Variants in KHDRBS2 observed in about 807,000 individuals in gnomAD.
The protein encoded by KHDRBS2 is KH domain-containing, RNA-binding, signal transduction-associated protein 2.
KHDRBS2 carries 26 observed loss-of-function variants against 44.3 expected under a neutral mutation model. That is an observed-to-expected ratio of 0.59 (90% CI 0.43 to 0.81). The LOEUF is 0.81. Among genes scored for constraint, KHDRBS2 ranks in the 40% least tolerant of loss-of-function variants. The probability of loss-of-function intolerance (pLI) is 0.00; values close to 1 mark genes in which losing one functional copy is unlikely to be tolerated. For synonymous variants in KHDRBS2, 194 were observed against 151.1 expected, an observed-to-expected ratio of 1.28 and a Z score of -2.08; for missense variants, 476 against 433.1, an observed-to-expected ratio of 1.10 and a Z score of -0.88.
chr6:62,041,201 G>A (rs867335786), intron 3 of KHDRBS2, among the ~76,000 whole-genome samples: 1 of 151,820 alleles, frequency 6.6e-6, no homozygotes, highest in Admixed American at 6.6e-5. Context: ...CATGGTGGCG[G>A]GCGCCTGTAA....
chr6:61,741,078 C>T (rs530954576), intron 6 of KHDRBS2, among the ~76,000 whole-genome samples: 2 of 151,920 alleles, frequency 1.3e-5, no homozygotes, highest in East Asian at 3.9e-4. Flanking sequence ...AAAAATCAGC[C>T]TTGAATTTAC....
intron 6 of KHDRBS2, among the ~76,000 whole-genome samples, chr6:61,736,577 G>T (rs1356792584): frequency 6.6e-6 from 1 of 151,982 alleles, no homozygotes; most frequent in Admixed American, 6.6e-5. Context: ...CCAACAGGAG[G>T]CAAGGCAGTT....
intron 2 of KHDRBS2, among the ~76,000 whole-genome samples, chr6:62,166,810 A>T (rs976798215): frequency 3.9e-5 from 6 of 152,052 alleles, no homozygotes; most frequent in African/African-American, 1.4e-4. Context: ...CTGTCTACAT[A>T]AAAAGCCACT....
At chr6:62,273,178 TG>T (rs1840357612) in intron 1 of KHDRBS2, among the ~76,000 whole-genome samples, 1 of 152,116 alleles carries the variant, frequency 6.6e-6, no homozygotes, top group South Asian at 2.1e-4. Context: ...CACACAAAAT[TG>T]CTATTTTTTC....
Position 61,901,225 on chromosome 6 carries a change from A to G in KHDRBS2, c.611+19T>C. 2 of 1,603,468 alleles carry G rather than the reference A, an allele frequency of 1.2e-6. No homozygotes were observed. Among genetic ancestry groups the G allele is most frequent in the Non-Finnish European group, 1.7e-6 (2 of 1,176,828 alleles). ...GCCTGCCATCATCCTTAATTTATTTAAAGTAAGAATGAATGTACCTTGAAG... is the reference window on the plus strand; with the variant it reads ...GCCTGCCATCATCCTTAATTTATTTGAAGTAAGAATGAATGTACCTTGAAG... On this transcript the variant is annotated intron_variant, in intron 5 of 8. Coordinates refer to ENST00000281156, the MANE Select transcript of KHDRBS2 (RefSeq NM_152688.4).
intron 3 of KHDRBS2, among the ~76,000 whole-genome samples, chr6:62,007,321 T>C (rs1562629298): frequency 6.6e-6 from 1 of 152,060 alleles, no homozygotes. Context: ...GGTCCAGTTC[T>C]GAGGACCTTT....
chr6:62,234,926 T>C (rs1399766279), intron 1 of KHDRBS2, among the ~76,000 whole-genome samples: 1 of 152,006 alleles, frequency 6.6e-6, no homozygotes, highest in African/African-American at 2.4e-5. Context: ...AATTTTGAAC[T>C]ATAAAAATTA....
intron 2 of KHDRBS2, among the ~76,000 whole-genome samples, chr6:62,063,380 A>G (rs866001724): frequency 2.6e-5 from 4 of 151,646 alleles, no homozygotes; most frequent in Admixed American, 2.0e-4. Context: ...AAAATCCTCA[A>G]TAAAATACTG....
At chr6:62,187,696 A>C (rs1585117761) in intron 1 of KHDRBS2, among the ~76,000 whole-genome samples, 1 of 152,006 alleles carries the variant, frequency 6.6e-6, no homozygotes, top group East Asian at 1.9e-4. Context: ...GGTTTGGTTT[A>C]ATTTTTTTGC....
chr6:62,057,042 T>C (rs1790444886), intron 2 of KHDRBS2, among the ~76,000 whole-genome samples: 1 of 151,960 alleles, frequency 6.6e-6, no homozygotes, highest in South Asian at 2.1e-4. Flanking sequence ...GCCAGTAGAA[T>C]GAAGATGTTG....
chr6:62,148,415 C>A (rs766190559), intron 2 of KHDRBS2, among the ~76,000 whole-genome samples: 3 of 151,798 alleles, frequency 2.0e-5, no homozygotes, highest in African/African-American at 7.3e-5. Flanking sequence ...GAGACAAGGA[C>A]AATTGAATGA....
intron 1 of KHDRBS2, among the ~76,000 whole-genome samples, chr6:62,187,394 C>G (rs1230091854): frequency 6.6e-6 from 1 of 152,046 alleles, no homozygotes; most frequent in Non-Finnish European, 1.5e-5. Context: ...GTCCCAGGCA[C>G]CATCCCAGAA....
intron 6 of KHDRBS2, among the ~76,000 whole-genome samples, chr6:61,829,628 G>A (rs1435722930): frequency 4.6e-5 from 7 of 152,100 alleles, no homozygotes; most frequent in Non-Finnish European, 1.5e-5. Context: ...TAAGCACTGT[G>A]GGAAACACAG....
intron 2 of KHDRBS2, among the ~76,000 whole-genome samples, chr6:62,063,921 C>A (rs10806560): frequency 7.5e-6 from 1 of 133,540 alleles, no homozygotes; most frequent in African/African-American, 2.7e-5. Context: ...TGATAAGCAA[C>A]TTCAGCAAAG....
intron 1 of KHDRBS2, among the ~76,000 whole-genome samples, chr6:62,259,626 A>C (rs1838000535): frequency 6.6e-6 from 1 of 152,008 alleles, no homozygotes; most frequent in Non-Finnish European, 1.5e-5. Context: ...CATATGACAG[A>C]AAACATTTCT....
intron 1 of KHDRBS2, among the ~76,000 whole-genome samples, chr6:62,258,000 T>C (rs138908392): frequency 6.8e-4 from 104 of 152,124 alleles, no homozygotes; most frequent in African/African-American, 2.4e-3. Context: ...TCTGAAATGC[T>C]CCAGAATCTG....
At chr6:62,122,235 T>A (rs2344796) in intron 2 of KHDRBS2, among the ~76,000 whole-genome samples, 77,521 of 151,866 alleles carry the variant, frequency 0.51, 20,133 homozygotes, top group Non-Finnish European at 0.55. Flanking sequence ...CCCCCATAGA[T>A]GAATTACAGC....
chr6:62,159,265 G>C (rs992140374), intron 2 of KHDRBS2, among the ~76,000 whole-genome samples: 18 of 152,236 alleles, frequency 1.2e-4, no homozygotes, highest in African/African-American at 4.3e-4. Flanking sequence ...GTTAAGCAAA[G>C]TAACCGATTA....
At chr6:62,144,461 A>G (rs1813509966) in intron 2 of KHDRBS2, among the ~76,000 whole-genome samples, 1 of 151,918 alleles carries the variant, frequency 6.6e-6, no homozygotes, top group Non-Finnish European at 1.5e-5. Flanking sequence ...CTCAACAAAC[A>G]TTGACAGTAG....
Sources: gnomAD v4.1 joint callset for allele counts (sites outside exome capture counted in the v4.1 genomes callset) on GRCh38, gnomAD v4.1.1 for gene constraint, MANE v1.5 for transcripts, NCBI Gene and HGNC (gene_info 2026-07-23, HGNC 2026-07-21) for gene names.